AGMO: variants seen among roughly 807,000 people sequenced by gnomAD.
The protein encoded by AGMO is alkylglycerol monooxygenase, also known as glyceryl-ether monooxygenase.
A neutral mutation model predicts 60.2 loss-of-function variants in AGMO; 75 were observed. The observed-to-expected ratio is 1.25, with a 90% CI of 1.03 to 1.51. The LOEUF (loss-of-function observed/expected upper bound fraction) is 1.51, where lower values mean the gene tolerates loss of function less well. Among genes scored for constraint, AGMO ranks in the 40% most tolerant of loss-of-function variants. The pLI, the probability that AGMO is intolerant of heterozygous loss-of-function variation, is 0.00. For missense variants in AGMO, 763 were observed against 525.5 expected (o/e 1.45, Z -4.42); for synonymous variants, 261 against 177.1 (o/e 1.47, Z -3.76).
Position 15,366,141 on chromosome 7 carries a change from T to C in AGMO, c.1156A>G (p.Arg386Gly). ...LTSIGFLLDQRPKAAIMETLR... is the reference protein window; with the variant it reads ...LTSIGFLLDQGPKAAIMETLR... The stretch of plus-strand genomic sequence containing the variant: ...CAATGCAAGAATTTCACTTCTTGCC[T>C]TTGATCCAGAAGAAATCCAATGGAA... The change falls in exon 11 of 13, where the codon AGA becomes GGA. Residue 386 changes from arginine to glycine, a missense_variant and splice_region_variant. Physicochemically the swap from Arg to Gly is moderately radical, Grantham distance 125. Transcript: ENST00000342526. 6.2e-7 allele frequency: 1 copy of C among 1,603,580 alleles called. No homozygotes were observed. The highest frequency in any genetic ancestry group is 1.7e-5 in the Admixed American group (1 of 59,462).
At chr7:15,522,135 C>G (rs1784012143) in intron 3 of AGMO, among the ~76,000 whole-genome samples, 1 of 152,156 alleles carries the variant, frequency 6.6e-6, no homozygotes, top group Non-Finnish European at 1.5e-5. Flanking sequence ...AGGAATACAA[C>G]TTACAAGAGA....
chr7:15,291,214 AG>A (rs1450159421), intron 12 of AGMO, among the ~76,000 whole-genome samples: 1 of 152,194 alleles, frequency 6.6e-6, no homozygotes, highest in Non-Finnish European at 1.5e-5. Context: ...TTTGTGGTTA[AG>A]TCTAAGGTAG....
At chr7:15,353,878 G>A (rs1019576797) in intron 12 of AGMO, among the ~76,000 whole-genome samples, 2 of 152,090 alleles carry the variant, frequency 1.3e-5, no homozygotes, top group East Asian at 1.9e-4. Flanking sequence ...TCTTTTAATT[G>A]CCTTAATAAA....
At chr7:15,306,714 C>G (rs1780625348) in intron 12 of AGMO, 1 of 315,728 alleles carries the variant, frequency 3.2e-6, no homozygotes, top group Non-Finnish European at 6.2e-6. Context: ...AAGTTTTCAC[C>G]TACTATTTTA....
intron 12 of AGMO, among the ~76,000 whole-genome samples, chr7:15,360,606 G>T (rs1370978152): frequency 6.6e-6 from 1 of 152,084 alleles, no homozygotes; most frequent in East Asian, 1.9e-4. Flanking sequence ...AGGTGGGTTT[G>T]GCCTTGCTAT....
At chr7:15,373,666 C>T (rs974302335) in intron 10 of AGMO, among the ~76,000 whole-genome samples, 1 of 152,120 alleles carries the variant, frequency 6.6e-6, no homozygotes, top group East Asian at 1.9e-4. Context: ...TCAGTCACTA[C>T]ATCCTAAAAT....
chr7:15,297,156 A>G lies in AGMO; in HGVS notation c.1263+68358T>C, dbSNP rs1189897860. Among the ~76,000 whole-genome samples, 5 of 152,162 alleles carry G rather than the reference A, an allele frequency of 3.3e-5. No homozygotes were observed. In the East Asian group the frequency reaches 9.6e-4, roughly 29 times the overall value. On this transcript the variant is annotated intron_variant, in intron 12 of 12. Coordinates refer to ENST00000342526, the MANE Select transcript of AGMO (RefSeq NM_001004320.2). ...ACCTAAAGAGAATTCCAATTAACCT[A>G]TCACCAGTAACCCTTTCTTAGCTGT...
intron 12 of AGMO, among the ~76,000 whole-genome samples, chr7:15,280,846 G>GCCAACACACTATGGCTATTTATAA (rs2128518555): frequency 6.6e-6 from 1 of 152,296 alleles, no homozygotes; most frequent in African/African-American, 2.4e-5. Flanking sequence ...ATCTGAGAAA[G>GCCAACACACTATGGCTATTTATAA]CCAACACACT....
intron 3 of AGMO, among the ~76,000 whole-genome samples, chr7:15,487,174 C>A (rs1017136191): frequency 3.2e-4 from 49 of 152,262 alleles, no homozygotes; most frequent in Admixed American, 2.2e-3. Flanking sequence ...ATATTTTACA[C>A]TCCAACTTGG....
chr7:15,341,225 T>C (rs1402897405), intron 12 of AGMO, among the ~76,000 whole-genome samples: 1 of 152,214 alleles, frequency 6.6e-6, no homozygotes, highest in Non-Finnish European at 1.5e-5. Context: ...TCTTTTCTAC[T>C]GCATCATTAG....
chr7:15,220,951 T>C (rs1781900958), intron 12 of AGMO, among the ~76,000 whole-genome samples: 1 of 152,098 alleles, frequency 6.6e-6, no homozygotes, highest in African/African-American at 2.4e-5. Flanking sequence ...TATTCGTAAA[T>C]CTTATAAAAT....
the AGMO span, among the ~76,000 whole-genome samples, chr7:15,139,820 C>CAAAAAAAAAAAAAAAAAA: frequency 1.5e-5 from 1 of 66,292 alleles, no homozygotes; most frequent in African/African-American, 3.9e-5. Context: ...TCTCAAAAGA[C>CAAAAAAAAAAAAAAAAAA]AAAAAAAAAA....
At chr7:15,358,122 G>A (rs74984590) in intron 12 of AGMO, 6,133 of 175,790 alleles carry the variant, frequency 0.035, 138 homozygotes, top group South Asian at 0.051. Flanking sequence ...GCATTTTGAA[G>A]TCAATGAACA....
chr7:15,337,616 G>GA (rs1258406938), intron 12 of AGMO, among the ~76,000 whole-genome samples: 4 of 152,120 alleles, frequency 2.6e-5, no homozygotes, highest in African/African-American at 9.7e-5. Context: ...TTCTGCCTGG[G>GA]AAAATGAGAG....
chr7:15,463,698 A>G (rs1325778941), intron 3 of AGMO, among the ~76,000 whole-genome samples: 1 of 152,170 alleles, frequency 6.6e-6, no homozygotes, highest in Non-Finnish European at 1.5e-5. Context: ...GTGAAATTGG[A>G]CAATGCAATA....
intron 3 of AGMO, among the ~76,000 whole-genome samples, chr7:15,537,098 A>C (rs573827152): frequency 2.0e-5 from 3 of 152,194 alleles, no homozygotes; most frequent in African/African-American, 4.8e-5. Context: ...CTTCAAACTT[A>C]AGTGTTTTCC....
At chr7:15,369,700 TTGTC>T (rs757331515) in intron 10 of AGMO, among the ~76,000 whole-genome samples, 1 of 152,190 alleles carries the variant, frequency 6.6e-6, no homozygotes, top group African/African-American at 2.4e-5. Context: ...GCATTCTCTG[TTGTC>T]TGTCTCCTCT....
At chr7:15,357,748 C>T (rs1782595123) in intron 12 of AGMO, among the ~76,000 whole-genome samples, 1 of 152,184 alleles carries the variant, frequency 6.6e-6, no homozygotes, top group Non-Finnish European at 1.5e-5. Flanking sequence ...GAAGTCTTTC[C>T]ACATTCGCTT....
At chr7:15,439,471 A>C (rs2128501326) in intron 3 of AGMO, among the ~76,000 whole-genome samples, 1 of 152,274 alleles carries the variant, frequency 6.6e-6, no homozygotes, top group Admixed American at 6.5e-5. Context: ...GCTACCTTGA[A>C]TCATTCTTCA....
Sources: gnomAD v4.1 joint callset for allele counts (sites outside exome capture counted in the v4.1 genomes callset) on GRCh38, gnomAD v4.1.1 for gene constraint, MANE v1.5 for transcripts, NCBI Gene and HGNC (gene_info 2026-07-23, HGNC 2026-07-21) for gene names.